The following GBF1 variants were observed in gnomAD, a reference collection of about 807,000 sequenced individuals.
GBF1 encodes the protein golgi brefeldin A resistant guanine nucleotide exchange factor 1, also known as Golgi-specific brefeldin A-resistance guanine nucleotide exchange factor 1.
In GBF1, 114 loss-of-function variants were observed where a neutral mutation model predicts 210.5. That is an observed-to-expected ratio of 0.54 (90% CI 0.47 to 0.63). The LOEUF (loss-of-function observed/expected upper bound fraction) is 0.63. GBF1 is among the 30% of genes least tolerant of loss of function. GBF1 has a pLI of 0.00. For missense variants in GBF1, 1,851 were observed against 2,357.7 expected, an observed-to-expected ratio of 0.79 and a Z score of 4.45; for synonymous variants, 850 against 889.2, an observed-to-expected ratio of 0.96 and a Z score of 0.78.
chr10:102,380,105 G>T, intron 36 of GBF1, 144 bp from the exon 37 acceptor site: 3 of 746,724 alleles, frequency 4.0e-6, no homozygotes, highest in Non-Finnish European at 7.1e-6. Context: ...GGACCTGAGA[G>T]GATTCTGAAT....
chr10:102,353,620 A>T lies in GBF1; in HGVS notation c.605A>T (p.Glu202Val), dbSNP rs769683280. ...TATAGGTTACCTCAGTTTAAAGAAG[A>T]ACCCAAGAACTATGTGGGGACCAAC... ...LFTRLPQFKE[E>V]PKNYVGTNMK... is the part of the protein sequence containing the mutation. Residue 202 changes from glutamate to valine, a missense_variant, in exon 8 of 40, where the codon GAA becomes GTA. Around this residue, in one of 3 missense-constraint regions of GBF1, gnomAD observed 804 missense variants for 958.6 expected, o/e 0.84. Coordinates refer to ENST00000369983, the MANE Select transcript of GBF1 (RefSeq NM_001377137.1). The T allele has an allele frequency of 6.2e-7, 1 of 1,608,974 alleles. No homozygotes were observed. Among genetic ancestry groups the T allele is most frequent in the Non-Finnish European group, 8.5e-7 (1 of 1,175,286 alleles).
intron 3 of GBF1, among the ~76,000 whole-genome samples, chr10:102,279,403 A>G (rs1228671350): frequency 6.6e-6 from 1 of 152,052 alleles, no homozygotes; most frequent in East Asian, 1.9e-4. Flanking sequence ...AATAAGTGGG[A>G]TTTGCTATGA....
intron 1 of GBF1, among the ~76,000 whole-genome samples, chr10:102,248,640 A>C (rs529117516): frequency 6.6e-6 from 1 of 150,708 alleles, no homozygotes; most frequent in African/African-American, 2.4e-5. Context: ...CTTTAATTTT[A>C]ATTTCTTTTT....
chr10:102,314,077 A>G (rs891759468), intron 3 of GBF1, among the ~76,000 whole-genome samples: 1 of 151,888 alleles, frequency 6.6e-6, no homozygotes, highest in Non-Finnish European at 1.5e-5. Context: ...GAAACCATAT[A>G]TGCATTTGAA....
chr10:102,252,105 C>T (rs936594691), intron 1 of GBF1, among the ~76,000 whole-genome samples: 12 of 152,028 alleles, frequency 7.9e-5, no homozygotes, highest in African/African-American at 1.9e-4. Context: ...TTTGGGAGGC[C>T]GAGGTGGGCA....
At position 102,375,439 on chromosome 10, in the gene GBF1, C is replaced by T; in HGVS notation, c.3741C>T (p.Leu1247=). 1 of 1,613,428 alleles carries T rather than the reference C, an allele frequency of 6.2e-7. No homozygotes were observed. Among genetic ancestry groups the T allele is most frequent in the Non-Finnish European group, 8.5e-7 (1 of 1,179,378 alleles). ...TCAGCCACCAGGTTGCGTATGGGCTCCATGAACTCCTGAAGACCAATGCAG... is the reference window on the plus strand; with the variant it reads ...TCAGCCACCAGGTTGCGTATGGGCTTCATGAACTCCTGAAGACCAATGCAG... ...SRVSHQVAYG[L]HELLKTNAAN... The change falls in exon 30 of 40, where the codon CTC becomes CTT. Residue 1247 remains leucine, a synonymous_variant. Coordinates refer to ENST00000369983, the MANE Select transcript of GBF1 (RefSeq NM_001377137.1).
chr10:102,379,952 A>G lies in GBF1; in HGVS notation c.4876A>G (p.Lys1626Glu). ...GATGAGGGCTTCCACATTGCTCTCT[A>G]AGGTACTGCTCACCACCCTATACCC... ...TRMRASTLLS[K>E]VFLQHLSPLL... Residue 1626 changes from lysine to glutamate, a missense_variant and splice_region_variant, in exon 36 of 40, where the codon AAG becomes GAG. Physicochemically the swap from Lys to Glu is moderately conservative, Grantham distance 56. Transcript: ENST00000369983. The G allele has an allele frequency of 6.3e-7, 1 of 1,594,218 alleles. No homozygotes were observed. Among genetic ancestry groups the G allele is most frequent in the Non-Finnish European group, 8.6e-7 (1 of 1,163,028 alleles).
At chr10:102,285,496 A>G (rs147965488) in intron 3 of GBF1, among the ~76,000 whole-genome samples, 17 of 152,256 alleles carry the variant, frequency 1.1e-4, no homozygotes, top group African/African-American at 4.1e-4. Flanking sequence ...TAATGTTCCC[A>G]TCTCCTTACT....
intron 15 of GBF1, among the ~76,000 whole-genome samples, chr10:102,362,925 T>C (rs1323712712): frequency 6.6e-6 from 1 of 152,208 alleles, no homozygotes; most frequent in Non-Finnish European, 1.5e-5. Flanking sequence ...GATTAAAGAA[T>C]ATAGGATTTC....
At position 102,377,058 on chromosome 10, in the gene GBF1, C is replaced by T; in HGVS notation, c.4412C>T (p.Ser1471Phe). 2 of 1,614,158 alleles carry T rather than the reference C, an allele frequency of 1.2e-6. No individual in the cohort carries two copies. Among genetic ancestry groups the T allele is most frequent in the Non-Finnish European group, 1.7e-6 (2 of 1,180,016 alleles). Residue 1471 changes from serine (S) to phenylalanine (F), a missense_variant, in exon 33 of 40, where the codon TCT becomes TTT. Coordinates refer to ENST00000369983, the MANE Select transcript of GBF1 (RefSeq NM_001377137.1). ...RRPRTSSQHA[S>F]RGGQSDDDED... ...CCTCGAACCTCCAGCCAACATGCCTCTCGGGGCGGGCAGAGTGATGATGAT... is the reference window on the plus strand; with the variant it reads ...CCTCGAACCTCCAGCCAACATGCCTTTCGGGGCGGGCAGAGTGATGATGAT...
At chr10:102,296,562 G>A (rs764889221) in intron 3 of GBF1, among the ~76,000 whole-genome samples, 1 of 152,070 alleles carries the variant, frequency 6.6e-6, no homozygotes, top group Non-Finnish European at 1.5e-5. Context: ...GGCCAAGATG[G>A]TGAAACCCCA....
chr10:102,315,163 A>C (rs1270410525), intron 3 of GBF1, among the ~76,000 whole-genome samples: 1 of 152,226 alleles, frequency 6.6e-6, no homozygotes, highest in Non-Finnish European at 1.5e-5. Flanking sequence ...CAGTACTTAC[A>C]TAGGACCTTT....
the GBF1 span, among the ~76,000 whole-genome samples, chr10:102,236,492 G>A: frequency 1.3e-5 from 2 of 152,188 alleles, no homozygotes; most frequent in African/African-American, 2.4e-5. Flanking sequence ...CCAGGCCCAG[G>A]GAGTACAGAG....
chr10:102,349,904 T>C (rs1456077819), intron 4 of GBF1, among the ~76,000 whole-genome samples: 2 of 152,160 alleles, frequency 1.3e-5, no homozygotes, highest in Admixed American at 1.3e-4. Context: ...CCCCTCTTAT[T>C]CTGTACAGCT....
intron 3 of GBF1, among the ~76,000 whole-genome samples, chr10:102,309,698 AC>A (rs1178284114): frequency 3.5e-4 from 54 of 152,198 alleles, no homozygotes; most frequent in African/African-American, 1.3e-3. Context: ...TTAAATCATA[AC>A]CTAGTTATGA....
At position 102,344,105 on chromosome 10, in the gene GBF1, G is replaced by T. The variant is rs750164321; in HGVS notation, c.218G>T (p.Arg73Leu). 2 of 1,611,544 alleles carry T rather than the reference G, an allele frequency of 1.2e-6. No individual in the cohort carries two copies. Among genetic ancestry groups the T allele is most frequent in the African/African-American group, 1.3e-5 (1 of 74,948 alleles). The change falls in exon 4 of 40, where the codon CGC becomes CTC. Residue 73 changes from arginine to leucine, a missense_variant. Arg to Leu is a moderately radical substitution (Grantham distance 102). Coordinates refer to ENST00000369983, the MANE Select transcript of GBF1 (RefSeq NM_001377137.1). ...VFLRPFLEVI[R>L]SEDTTGPITG... Reference sequence around the variant, plus strand: ...CTTCGACCTTTTCTGGAAGTGATTCGCTCTGAAGATACCACTGGCCCTATC... The same window carrying T: ...CTTCGACCTTTTCTGGAAGTGATTCTCTCTGAAGATACCACTGGCCCTATC...
At position 102,259,058 on chromosome 10, in the gene GBF1, C is replaced by G. The variant is rs1157756641; in HGVS notation, c.96+24C>G. 3 of 1,219,262 alleles carry G rather than the reference C, an allele frequency of 2.5e-6. No individual in the cohort carries two copies. In the African/African-American group the frequency reaches 4.4e-5, roughly 18 times the overall value. 75.5% of individuals were successfully genotyped at this position (1,219,262 alleles called of 1,614,324 possible). On this transcript the variant is annotated intron_variant, in intron 2 of 39. Coordinates refer to ENST00000369983, the MANE Select transcript of GBF1 (RefSeq NM_001377137.1). ...TGGTAAGTGGGAAATGGATAAATAG[C>G]CTGGTCACTAAGTTTTTATAGGGGA...
At chr10:102,338,665 G>A (rs528269399) in intron 3 of GBF1, among the ~76,000 whole-genome samples, 52 of 152,064 alleles carry the variant, frequency 3.4e-4, no homozygotes, top group Non-Finnish European at 5.4e-4. Context: ...ACAGAGCCTC[G>A]GCTGGGTGCG....
rs1174743189 is a variant in GBF1, at chr10:102,274,699, ATTTTTTTTTTT to A, written c.163+14603_163+14613del. Among the ~76,000 whole-genome samples, 555 of 71,746 alleles carry A rather than the reference ATTTTTTTTTTT, an allele frequency of 7.7e-3. 3 individuals carry two copies. The highest frequency in any genetic ancestry group is 0.019 in the Admixed American group (87 of 4,696). The allele number at this position is 71,746 out of a possible 152,430, so 47.1% of individuals were successfully genotyped here. ...TGAAGTCTACAGGTGCAAAACAAAG[ATTTTTTTTTTT>A]TTTTTTTTTTTTTTTTTTTGAGAGG... is the stretch of plus-strand genomic sequence containing the variant. On this transcript the variant is annotated intron_variant, in intron 3 of 39. Transcript: ENST00000369983.
Sources: allele counts gnomAD v4.1 joint callset (sites outside exome capture counted in the v4.1 genomes callset), GRCh38; gene constraint gnomAD v4.1.1; regional missense constraint gnomAD v4.1.1; transcripts MANE v1.5; gene names NCBI Gene and HGNC (gene_info 2026-07-23, HGNC 2026-07-21).